The following DPP6 variants were observed in gnomAD, a reference collection of about 807,000 sequenced individuals.
DPP6 encodes dipeptidyl peptidase like 6, also known as A-type potassium channel modulatory protein DPP6.
DPP6 carries 69 observed loss-of-function variants against 122.6 expected under a neutral mutation model. The observed-to-expected ratio is 0.56, with a 90% CI of 0.46 to 0.69. The LOEUF (loss-of-function observed/expected upper bound fraction) is 0.69. Ranked by LOEUF, DPP6 falls within the 30% of genes least tolerant of loss-of-function variation. DPP6 has a pLI of 0.00. For synonymous variants in DPP6, 418 were observed against 433.1 expected, an observed-to-expected ratio of 0.97 and a Z score of 0.43; for missense variants, 928 against 1,116.9, an observed-to-expected ratio of 0.83 and a Z score of 2.41.
intron 5 of DPP6, among the ~76,000 whole-genome samples, chr7:154,592,675 A>G (rs1832873051): frequency 6.6e-6 from 1 of 152,158 alleles, no homozygotes; most frequent in Non-Finnish European, 1.5e-5. Context: ...GACGCAGGAC[A>G]AGGTCCTGTG....
At chr7:153,956,289 G>C (rs1281184327) in intron 1 of DPP6, among the ~76,000 whole-genome samples, 2 of 152,126 alleles carry the variant, frequency 1.3e-5, no homozygotes, top group African/African-American at 4.8e-5. Context: ...AGACTGGGCT[G>C]ACCACGGAGA....
chr7:153,909,221 CA>C (rs2129002258), intron 1 of DPP6, among the ~76,000 whole-genome samples: 1 of 152,184 alleles, frequency 6.6e-6, no homozygotes, highest in East Asian at 1.9e-4. Flanking sequence ...TACCTCTGGG[CA>C]GGAAGATAGG....
intron 8 of DPP6, among the ~76,000 whole-genome samples, chr7:154,768,264 C>A (rs1796031632): frequency 6.6e-6 from 1 of 152,238 alleles, no homozygotes; most frequent in Middle Eastern, 3.2e-3. Flanking sequence ...CTGCTTCTTC[C>A]CTGTCTGGGA....
At chr7:154,706,874 G>A (rs1385762576) in intron 7 of DPP6, among the ~76,000 whole-genome samples, 1 of 152,208 alleles carries the variant, frequency 6.6e-6, no homozygotes, top group East Asian at 1.9e-4. Context: ...TTTAGCGTTT[G>A]AAAGCTGCAT....
chr7:154,651,482 G>T (rs2130993687), intron 6 of DPP6, among the ~76,000 whole-genome samples: 1 of 152,076 alleles, frequency 6.6e-6, no homozygotes, highest in South Asian at 2.1e-4. Context: ...CCCTTCCGTG[G>T]GCTAAACAAA....
Position 154,150,819 on chromosome 7 carries a change from C to A in DPP6, c.243+97756C>A, listed in dbSNP as rs143495786. On this transcript the variant is annotated intron_variant, in intron 1 of 25. Transcript: ENST00000377770. ...GCAAAGTATCAGGAGCCTGGTGATT[C>A]AAGTTGGGAGAATCCACCAAAGTGC... is the stretch of plus-strand genomic sequence containing the variant. 2.5e-3 allele frequency among the ~76,000 whole-genome samples: 382 copies of A among 152,302 alleles called. 2 individuals carry two copies. Among genetic ancestry groups the A allele is most frequent in the African/African-American group, 8.1e-3 (338 of 41,586 alleles).
At chr7:154,074,485 C>CA (rs1287228240) in intron 1 of DPP6, among the ~76,000 whole-genome samples, 1 of 152,082 alleles carries the variant, frequency 6.6e-6, no homozygotes, top group Non-Finnish European at 1.5e-5. Flanking sequence ...ATCAGTGGAC[C>CA]AAACAGAAAC....
At chr7:153,852,830 C>G in the DPP6 span, among the ~76,000 whole-genome samples, 1 of 152,154 alleles carries the variant, frequency 6.6e-6, no homozygotes, top group Non-Finnish European at 1.5e-5. Context: ...TTTTCACACA[C>G]GAGTTAAGTA....
intron 21 of DPP6, 42 bp downstream of exon 21, chr7:154,880,984 G>T: frequency 6.2e-7 from 1 of 1,611,312 alleles, no homozygotes; most frequent in Non-Finnish European, 8.5e-7. Flanking sequence ...CTCAGTTCCA[G>T]TGTGGCCTGC....
At chr7:154,129,875 G>C (rs2150630264) in intron 1 of DPP6, among the ~76,000 whole-genome samples, 1 of 151,794 alleles carries the variant, frequency 6.6e-6, no homozygotes, top group African/African-American at 2.4e-5. Context: ...ACTCCAGCCT[G>C]GGTGACAGAG....
intron 1 of DPP6, among the ~76,000 whole-genome samples, chr7:153,977,693 G>A (rs1796378977): frequency 1.3e-5 from 2 of 152,086 alleles, no homozygotes; most frequent in African/African-American, 4.8e-5. Context: ...TTCTCCTAAT[G>A]CTATCCCTCC....
intron 16 of DPP6, among the ~76,000 whole-genome samples, chr7:154,809,254 A>T (rs57008479): frequency 0.017 from 2,261 of 136,854 alleles, 42 homozygotes; most frequent in African/African-American, 0.057. Flanking sequence ...TTCTTTTTTT[A>T]AAAAAAAAAA....
intron 1 of DPP6, among the ~76,000 whole-genome samples, chr7:154,157,557 C>T (rs1310691318): frequency 6.6e-6 from 1 of 152,176 alleles, no homozygotes; most frequent in Non-Finnish European, 1.5e-5. Flanking sequence ...GGCCTTGCTC[C>T]CCAGTTGCTA....
intron 1 of DPP6, among the ~76,000 whole-genome samples, chr7:154,421,222 C>G (rs1188659983): frequency 6.6e-6 from 1 of 152,124 alleles, no homozygotes; most frequent in Non-Finnish European, 1.5e-5. Flanking sequence ...GGGGCAGTAA[C>G]CAGAAACTTG....
At chr7:154,816,327 A>G (rs1405371593) in intron 16 of DPP6, among the ~76,000 whole-genome samples, 1 of 152,262 alleles carries the variant, frequency 6.6e-6, no homozygotes, top group Non-Finnish European at 1.5e-5. Context: ...GTATATTGTT[A>G]TAATAGTTTG....
chr7:153,904,372 G>T (rs1208670960), intron 1 of DPP6, among the ~76,000 whole-genome samples: 1 of 152,066 alleles, frequency 6.6e-6, no homozygotes, highest in Non-Finnish European at 1.5e-5. Flanking sequence ...TGATTCTCCT[G>T]CACCATCTTT....
chr7:154,814,839 T>C (rs1799311558), intron 16 of DPP6, among the ~76,000 whole-genome samples: 1 of 152,226 alleles, frequency 6.6e-6, no homozygotes, highest in Admixed American at 6.5e-5. Context: ...TTCATCTTCA[T>C]GTGGTCTTCC....
At chr7:154,235,456 C>T (rs1396529830) in intron 1 of DPP6, among the ~76,000 whole-genome samples, 1 of 146,742 alleles carries the variant, frequency 6.8e-6, no homozygotes, top group Non-Finnish European at 1.5e-5. Flanking sequence ...GCCCAGTTTG[C>T]TGTTCCAAAA....
At chr7:154,062,323 GA>G (rs1168324889) in intron 1 of DPP6, among the ~76,000 whole-genome samples, 1 of 60,952 alleles carries the variant, frequency 1.6e-5, no homozygotes, top group Non-Finnish European at 3.3e-5. Flanking sequence ...CCCATCGCAG[GA>G]GGGGGAGGCA....
Sources: gnomAD v4.1 joint callset for allele counts (sites outside exome capture counted in the v4.1 genomes callset) on GRCh38, gnomAD v4.1.1 for gene constraint, MANE v1.5 for transcripts, NCBI Gene and HGNC (gene_info 2026-07-23, HGNC 2026-07-21) for gene names.